EYS: variants seen among roughly 807,000 people sequenced by gnomAD.
The protein encoded by EYS is protein eyes shut homolog.
In EYS, 250 loss-of-function variants were observed where a neutral mutation model predicts 282.1. The ratio of observed to expected loss-of-function variants is 0.89; its 90% CI spans 0.80 to 0.98. The LOEUF is 0.98. Among genes scored for constraint, EYS ranks in the 50% least tolerant of loss-of-function variants. The pLI, the probability that EYS is intolerant of heterozygous loss-of-function variation, is 0.00. For missense variants in EYS, 4,016 were observed against 3,709.0 expected (o/e 1.08, Z -2.15); for synonymous variants, 1,355 against 1,282.9 (o/e 1.06, Z -1.20).
At chr6:64,286,513 A>G (rs1245224781) in intron 30 of EYS, among the ~76,000 whole-genome samples, 1 of 152,216 alleles carries the variant, frequency 6.6e-6, no homozygotes, top group Non-Finnish European at 1.5e-5. Flanking sequence ...TGCCAAAGGC[A>G]GTGATATCCT....
chr6:64,188,658 C>T (rs1490050137), intron 31 of EYS, among the ~76,000 whole-genome samples: 1 of 151,970 alleles, frequency 6.6e-6, no homozygotes, highest in African/African-American at 2.4e-5. Context: ...TTCTTCTTGC[C>T]CTATCCTGCG....
intron 22 of EYS, among the ~76,000 whole-genome samples, chr6:64,757,612 A>G (rs2149975427): frequency 6.6e-6 from 1 of 152,312 alleles, no homozygotes; most frequent in Non-Finnish European, 1.5e-5. Context: ...CCCCTAACTG[A>G]CAGAATGAAT....
chr6:63,788,379 A>T, intron 38 of EYS, 130 bp from the exon 39 acceptor site: 1 of 662,920 alleles, frequency 1.5e-6, no homozygotes, highest in South Asian at 2.0e-5. Context: ...TGAAGAAATA[A>T]CATGATACCA....
intron 1 of EYS, among the ~76,000 whole-genome samples, chr6:65,673,380 C>T (rs548043512): frequency 1.3e-5 from 2 of 152,008 alleles, no homozygotes; most frequent in East Asian, 3.9e-4. Flanking sequence ...TTGTCATATA[C>T]AATGATTGGT....
At chr6:65,417,200 A>G (rs986554578) in intron 5 of EYS, among the ~76,000 whole-genome samples, 1 of 152,030 alleles carries the variant, frequency 6.6e-6, no homozygotes, top group African/African-American at 2.4e-5. Context: ...ACATGTACAA[A>G]AATTCACACA....
At chr6:63,932,830 A>G (rs538944670) in intron 35 of EYS, among the ~76,000 whole-genome samples, 1 of 152,328 alleles carries the variant, frequency 6.6e-6, no homozygotes, top group South Asian at 2.1e-4. Flanking sequence ...ACCTGGAGAT[A>G]GTATCAGATC....
chr6:64,851,203 G>A (rs1765871000), intron 19 of EYS, among the ~76,000 whole-genome samples: 1 of 151,844 alleles, frequency 6.6e-6, no homozygotes, highest in African/African-American at 2.4e-5. Flanking sequence ...CACCAAAGAG[G>A]GTTCAGAGTT....
Position 64,945,853 on chromosome 6 carries a change from T to A in EYS, c.2321A>T (p.Glu774Val). Residue 774 changes from glutamate (E) to valine (V), a missense_variant, in exon 15 of 43, where the codon GAG (glutamate) becomes GTG (valine). Coordinates refer to ENST00000503581, the MANE Select transcript of EYS (RefSeq NM_001142800.2). ...GTTCTTGCAAGGATTCATTTTACAC[T>A]CATTGGATTCTTGTTCACAAAAATT... ...EGNFCEQESN[E>V]CKMNPCKNNS... 1 of 1,549,308 alleles carries A rather than the reference T, an allele frequency of 6.5e-7. No homozygotes were observed. Among genetic ancestry groups the A allele is most frequent in the Non-Finnish European group, 8.7e-7 (1 of 1,145,250 alleles).
intron 12 of EYS, among the ~76,000 whole-genome samples, chr6:65,207,906 A>G (rs1766076423): frequency 2.0e-5 from 3 of 151,844 alleles, no homozygotes; most frequent in Admixed American, 6.6e-5. Flanking sequence ...GTAAGGCCTG[A>G]AACTATAGAA....
chr6:64,422,472 C>G (rs1774267583), intron 28 of EYS, among the ~76,000 whole-genome samples: 1 of 152,114 alleles, frequency 6.6e-6, no homozygotes, highest in African/African-American at 2.4e-5. Flanking sequence ...CTGCTGAGGA[C>G]CTTCGTACTT....
At chr6:65,290,698 A>G (rs892673757) in intron 12 of EYS, among the ~76,000 whole-genome samples, 3 of 151,412 alleles carry the variant, frequency 2.0e-5, no homozygotes, top group African/African-American at 7.3e-5. Flanking sequence ...TAATAAACGC[A>G]TCTAAAAGAC....
intron 22 of EYS, among the ~76,000 whole-genome samples, chr6:64,797,542 A>G (rs1217179229): frequency 6.6e-6 from 1 of 151,876 alleles, no homozygotes; most frequent in East Asian, 1.9e-4. Context: ...TATATTTAAC[A>G]CCTCATATAT....
chr6:65,463,408 C>T (rs1318626456), intron 5 of EYS, among the ~76,000 whole-genome samples: 1 of 152,026 alleles, frequency 6.6e-6, no homozygotes, highest in Non-Finnish European at 1.5e-5. Context: ...AATTGGTAAA[C>T]CTATTCTCTT....
At chr6:65,451,359 T>G (rs1764390685) in intron 5 of EYS, among the ~76,000 whole-genome samples, 1 of 152,114 alleles carries the variant, frequency 6.6e-6, no homozygotes, top group African/African-American at 2.4e-5. Flanking sequence ...TGCTTTCATT[T>G]GTTTAATTCA....
intron 22 of EYS, among the ~76,000 whole-genome samples, chr6:64,770,752 C>G (rs1773501243): frequency 6.6e-6 from 1 of 151,838 alleles, no homozygotes; most frequent in Non-Finnish European, 1.5e-5. Flanking sequence ...CATAAAGGAA[C>G]CTCAAATGAG....
intron 35 of EYS, among the ~76,000 whole-genome samples, chr6:63,901,119 TAACTA>T (rs143964610): frequency 0.022 from 3,333 of 152,234 alleles, 114 homozygotes; most frequent in African/African-American, 0.073. Context: ...TATGTCCAAA[TAACTA>T]AAGAAAATTG....
At chr6:64,970,268 A>AT (rs1770244783) in intron 14 of EYS, among the ~76,000 whole-genome samples, 1 of 152,176 alleles carries the variant, frequency 6.6e-6, no homozygotes, top group Non-Finnish European at 1.5e-5. Flanking sequence ...AAAAGTTAAA[A>AT]TTTATCAAAG....
At chr6:63,891,649 G>T (rs1298949066) in intron 35 of EYS, among the ~76,000 whole-genome samples, 1 of 152,150 alleles carries the variant, frequency 6.6e-6, no homozygotes. Flanking sequence ...GCAAAAGCTG[G>T]TAGCATTCCC....
intron 12 of EYS, among the ~76,000 whole-genome samples, chr6:65,121,089 C>T (rs761931651): frequency 3.8e-4 from 57 of 151,964 alleles, no homozygotes; most frequent in Non-Finnish European, 2.2e-4. Flanking sequence ...CAGAAGGGCC[C>T]TTCTTGTCAT....
Sources: gnomAD v4.1 joint callset for allele counts (sites outside exome capture counted in the v4.1 genomes callset) on GRCh38, gnomAD v4.1.1 for gene constraint, MANE v1.5 for transcripts, NCBI Gene and HGNC (gene_info 2026-07-23, HGNC 2026-07-21) for gene names.